CDH19: variants seen among roughly 807,000 people sequenced by gnomAD.
The protein encoded by CDH19 is cadherin-19.
A neutral mutation model predicts 64.2 loss-of-function variants in CDH19; 67 were observed. The observed-to-expected ratio is 1.04, with a 90% CI of 0.86 to 1.28. CDH19 has a LOEUF of 1.28. CDH19 is among the 50% of genes most tolerant of loss of function. CDH19 has a pLI of 0.00. For synonymous variants in CDH19, 346 were observed against 319.3 expected (o/e 1.08, Z -0.89); for missense variants, 1,030 against 929.0 (o/e 1.11, Z -1.41).
rs554499378 is a variant in CDH19, at chr18:66,506,389, C to T, written c.1829-1087G>A. On this transcript the variant is annotated intron_variant, in intron 11 of 11. Coordinates refer to ENST00000262150, the MANE Select transcript of CDH19 (RefSeq NM_021153.4). ...TAATTATGCTGACTTGAGCATTATACACTATATACAGGTATTGAAACAACA... is the reference window on the plus strand; with the variant it reads ...TAATTATGCTGACTTGAGCATTATATACTATATACAGGTATTGAAACAACA... 5.9e-5 allele frequency among the ~76,000 whole-genome samples: 9 copies of T among 152,018 alleles called. No individual in the cohort carries two copies. The South Asian group carries it at 1.9e-3, about 32-fold the overall frequency.
At position 66,551,036 on chromosome 18, in the gene CDH19, TATATTTAACACACTC is replaced by T. The variant is rs945658630; in HGVS notation, c.775+43_775+57del. The T allele has an allele frequency of 3.3e-6, 3 of 920,934 alleles. No homozygotes were observed. The African/African-American group carries it at 5.1e-5, about 16-fold the overall frequency. 57.0% of individuals were successfully genotyped at this position (920,934 alleles called of 1,614,324 possible). On this transcript the variant is annotated intron_variant, in intron 5 of 11. Coordinates refer to ENST00000262150, the MANE Select transcript of CDH19 (RefSeq NM_021153.4). ...TAGAATGAAAACTATATAATCTACT[TATATTTAACACACTC>T]ATATTTATAATGTAATGAAGATGTA...
intron 9 of CDH19, among the ~76,000 whole-genome samples, chr18:66,527,828 A>G (rs1460832118): frequency 6.6e-6 from 1 of 151,958 alleles, no homozygotes; most frequent in Admixed American, 6.6e-5. Context: ...AAATAGGTGT[A>G]TAGAAGATGC....
chr18:66,562,393 T>C (rs1268627638), intron 3 of CDH19, among the ~76,000 whole-genome samples: 1 of 151,832 alleles, frequency 6.6e-6, no homozygotes, highest in Admixed American at 6.6e-5. Flanking sequence ...CAGTTCACAA[T>C]AGGGTTTGCA....
At chr18:66,587,186 G>A (rs1599037747) in intron 1 of CDH19, among the ~76,000 whole-genome samples, 1 of 152,180 alleles carries the variant, frequency 6.6e-6, no homozygotes, top group South Asian at 2.1e-4. Flanking sequence ...ATAACATGGA[G>A]GCAGAATTGA....
chr18:66,555,389 T>C (rs1050546855), intron 3 of CDH19, among the ~76,000 whole-genome samples: 2 of 130,616 alleles, frequency 1.5e-5, no homozygotes, highest in African/African-American at 5.1e-5. Flanking sequence ...TTTCTCATCG[T>C]AGCCCAATTT....
chr18:66,541,638 G>T (rs1986890668), intron 7 of CDH19, among the ~76,000 whole-genome samples: 1 of 152,014 alleles, frequency 6.6e-6, no homozygotes, highest in South Asian at 2.1e-4. Context: ...AACAAAAACT[G>T]CTGTATCCTC....
intron 1 of CDH19, among the ~76,000 whole-genome samples, chr18:66,582,348 T>A (rs1359468731): frequency 2.0e-5 from 3 of 151,808 alleles, no homozygotes; most frequent in Admixed American, 6.6e-5. Flanking sequence ...CTGTTTGTGA[T>A]CTCTTAAAAA....
At chr18:66,566,875 C>T (rs984844971) in intron 3 of CDH19, among the ~76,000 whole-genome samples, 3 of 151,760 alleles carry the variant, frequency 2.0e-5, no homozygotes, top group African/African-American at 7.3e-5. Context: ...CATTCATTGC[C>T]ATGCCTGACA....
At chr18:66,510,586 TAA>T (rs1985431126) in intron 10 of CDH19, among the ~76,000 whole-genome samples, 1 of 6,818 alleles carries the variant, frequency 1.5e-4, no homozygotes, top group Non-Finnish European at 3.0e-4. Context: ...CTGCAACAAA[TAA>T]TAATAATAAT....
chr18:66,539,082 G>T (rs1333384153), intron 7 of CDH19, among the ~76,000 whole-genome samples: 1 of 152,132 alleles, frequency 6.6e-6, no homozygotes, highest in Non-Finnish European at 1.5e-5. Flanking sequence ...GCTTGGAAGA[G>T]GGATTGCTGG....
At chr18:66,516,034 A>G (rs1046402190) in intron 9 of CDH19, among the ~76,000 whole-genome samples, 5 of 151,940 alleles carry the variant, frequency 3.3e-5, no homozygotes, top group African/African-American at 1.2e-4. Flanking sequence ...ATAAACACCT[A>G]AAGTACTTAA....
chr18:66,548,937 C>T (rs908288257), intron 5 of CDH19, among the ~76,000 whole-genome samples: 1 of 152,086 alleles, frequency 6.6e-6, no homozygotes, highest in African/African-American at 2.4e-5. Context: ...GGACGCTGTT[C>T]ACACAAGGGA....
At chr18:66,600,337 G>C (rs1433062930) in intron 1 of CDH19, among the ~76,000 whole-genome samples, 1 of 151,520 alleles carries the variant, frequency 6.6e-6, no homozygotes, top group Non-Finnish European at 1.5e-5. Flanking sequence ...CTAATGTTTT[G>C]TTTCATAATA....
At chr18:66,540,859 T>C (rs572304777) in intron 7 of CDH19, among the ~76,000 whole-genome samples, 2 of 152,270 alleles carry the variant, frequency 1.3e-5, no homozygotes, top group African/African-American at 2.4e-5. Context: ...TACATAGTCT[T>C]AGTGATAAAA....
rs1372342218 is a variant in CDH19, at chr18:66,595,491, G to A, written c.-113+8463C>T. On this transcript the variant is annotated intron_variant, in intron 1 of 11. Coordinates refer to ENST00000262150, the MANE Select transcript of CDH19 (RefSeq NM_021153.4). ...AAACACAACTGGAAATGTCCAAGGG[G>A]ACATTACCACCGGCCCCACAGAAAA... 6.3e-5 allele frequency among the ~76,000 whole-genome samples: 8 copies of A among 127,472 alleles called. No individual in the cohort carries two copies. In the Admixed American group the frequency reaches 6.9e-4, roughly 11 times the overall value. The allele number at this position is 127,472 out of a possible 152,430, so 83.6% of individuals were successfully genotyped here. A position where few individuals can be genotyped will look rare whatever the true frequency, so the allele number is the denominator to read the frequency against.
In CDH19 at chr18:66,551,168, C is replaced by T. The variant is rs1275356303; in HGVS notation, c.701G>A (p.Gly234Glu). 6.2e-7 allele frequency: 1 copy of T among 1,606,462 alleles called. No homozygotes were observed. Among genetic ancestry groups the T allele is most frequent in the South Asian group, 1.1e-5 (1 of 90,836 alleles). Reference protein sequence around the residue: ...IQAKDMIGQPGALSGTTSVLI... With the variant: ...IQAKDMIGQPEALSGTTSVLI... ...TACACTTGTTGTTCCAGACAACGCT[C>T]CTGGCTGACCAATCATGTCCTTGGC... The change falls in exon 5 of 12, where the codon GGA (glycine) becomes GAA (glutamate). Residue 234 changes from glycine (G) to glutamate (E), a missense_variant. Physicochemically the swap from Gly to Glu is moderately conservative, Grantham distance 98. Coordinates refer to ENST00000262150, the MANE Select transcript of CDH19 (RefSeq NM_021153.4).
Position 66,544,749 on chromosome 18 carries a change from T to G in CDH19, c.930A>C (p.Glu310Asp), listed in dbSNP as rs1237131819. Reference sequence around the variant, plus strand: ...TTAATATAACTATTCCTTCTTGAGTTTCATGATTAGTAATAATGTCAAATG... The same window carrying G: ...TTAATATAACTATTCCTTCTTGAGTGTCATGATTAGTAATAATGTCAAATG... ...SQTFDIITNH[E>D]TQEGIVILKK... Residue 310 changes from glutamate (E) to aspartate (D), a missense_variant, in exon 6 of 12, where the codon GAA becomes GAC. By Grantham distance (45) the Glu-to-Asp change is conservative. Coordinates refer to ENST00000262150, the MANE Select transcript of CDH19 (RefSeq NM_021153.4). 8 of 1,609,778 alleles carry G rather than the reference T, an allele frequency of 5.0e-6. No individual in the cohort carries two copies. The highest frequency in any genetic ancestry group is 5.9e-6 in the Non-Finnish European group (7 of 1,177,432).
chr18:66,601,625 T>C (rs1053261902), intron 1 of CDH19, among the ~76,000 whole-genome samples: 1 of 151,972 alleles, frequency 6.6e-6, no homozygotes, highest in Non-Finnish European at 1.5e-5. Flanking sequence ...TATTGAGTAA[T>C]TAATGTGACA....
intron 1 of CDH19, chr18:66,596,021 A>C (rs1246327280): frequency 6.6e-6 from 1 of 152,178 alleles, no homozygotes; most frequent in Non-Finnish European, 1.5e-5. Context: ...ATGTAAATAA[A>C]TAAATGTGAT....
Sources: gnomAD v4.1 joint callset for allele counts (sites outside exome capture counted in the v4.1 genomes callset) on GRCh38, gnomAD v4.1.1 for gene constraint, MANE v1.5 for transcripts, NCBI Gene and HGNC (gene_info 2026-07-23, HGNC 2026-07-21) for gene names.